Variants in DNAH17 observed in about 807,000 individuals in gnomAD.
DNAH17 encodes the protein dynein axonemal heavy chain 17.
In DNAH17, 376 loss-of-function variants were observed where a neutral mutation model predicts 485.6. The ratio of observed to expected loss-of-function variants is 0.77; its 90% confidence interval spans 0.71 to 0.84. DNAH17 has a LOEUF of 0.84. DNAH17 is among the 40% of genes least tolerant of loss of function. DNAH17 has a pLI of 0.00. For synonymous variants in DNAH17, 3,031 were observed against 2,405.9 expected (o/e 1.26, Z -7.60); for missense variants, 6,370 against 5,839.3 (o/e 1.09, Z -2.96).
chr17:78,468,440 GAA>G (rs1216314630), intron 55 of DNAH17, among the ~76,000 whole-genome samples, 175 bp downstream of exon 55: 2 of 152,092 alleles, frequency 1.3e-5, no homozygotes, highest in African/African-American at 4.8e-5. Context: ...CGACCCACGT[GAA>G]AAAGTCTCCA....
intron 71 of DNAH17, among the ~76,000 whole-genome samples, chr17:78,442,247 AC>A (rs2087104908): frequency 6.6e-6 from 1 of 152,108 alleles, no homozygotes. Flanking sequence ...CACTCATGCC[AC>A]CCAGCACACC....
chr17:78,495,138 C>T (rs761599507), intron 38 of DNAH17, 41 bp from the exon 39 acceptor site: 1 of 1,546,402 alleles, frequency 6.5e-7, no homozygotes, highest in South Asian at 1.2e-5. Flanking sequence ...TGCCCACTCC[C>T]TCCCCAACCT....
At chr17:78,558,283 T>C (rs753968937) in intron 13 of DNAH17, 29 bp from the exon 14 acceptor site, 13 of 1,609,994 alleles carry the variant, frequency 8.1e-6, no homozygotes, top group African/African-American at 1.3e-5. Context: ...TCAAAGAACA[T>C]GTCAGCAGGT....
At chr17:78,511,859 A>G (rs1230632287) in intron 26 of DNAH17, among the ~76,000 whole-genome samples, 1 of 152,198 alleles carries the variant, frequency 6.6e-6, no homozygotes, top group Non-Finnish European at 1.5e-5. Flanking sequence ...GGGCACCCGG[A>G]AGGGGCACAT....
intron 68 of DNAH17, 171 bp downstream of exon 68, chr17:78,450,083 T>C: frequency 1.4e-6 from 1 of 726,498 alleles, no homozygotes; most frequent in Non-Finnish European, 2.3e-6. Context: ...GTAGGACTGA[T>C]GGGGGCCCCT....
chr17:78,510,324 G>A, intron 27 of DNAH17, 60 bp downstream of exon 27: 4 of 1,590,280 alleles, frequency 2.5e-6, no homozygotes, highest in Non-Finnish European at 3.4e-6. Context: ...CTCAGTGGTT[G>A]GAGGGGGCAG....
In DNAH17 at chr17:78,560,817, A is replaced by G. The variant is rs888666779; in HGVS notation, c.1954T>C (p.Cys652Arg). 6.4e-7 allele frequency: 1 copy of G among 1,551,728 alleles called. No individual in the cohort carries two copies. Among genetic ancestry groups the G allele is most frequent in the African/African-American group, 1.4e-5 (1 of 73,040 alleles). ...AGCGGCTGCCCCAGGTTAAAGTGGC[A>G]GTCCTGGTCCACGCCCGCCACCCAC... is the stretch of plus-strand genomic sequence containing the variant. Reference protein sequence around the residue: ...QQWVAGVDQDCHFNLGQPLIL... With the variant: ...QQWVAGVDQDRHFNLGQPLIL... The change falls in exon 13 of 81, where the codon TGC (cysteine) becomes CGC (arginine). Residue 652 changes from cysteine to arginine, a missense_variant. Cys to Arg is a radical substitution (Grantham distance 180). Transcript: ENST00000389840.
At chr17:78,439,414 G>A (rs2086982020) in intron 72 of DNAH17, among the ~76,000 whole-genome samples, 197 bp from the exon 73 acceptor site, 1 of 152,076 alleles carries the variant, frequency 6.6e-6, no homozygotes, top group African/African-American at 2.4e-5. Context: ...TCACAATGCT[G>A]TGCAATCATC....
At chr17:78,478,088 TCACCACCACCATCATCATC>T (rs2089148720) in intron 51 of DNAH17, among the ~76,000 whole-genome samples, 1 of 52,710 alleles carries the variant, frequency 1.9e-5, no homozygotes, top group Admixed American at 2.3e-4. Context: ...ATCATCACCA[TCACCACCACCATCATCATC>T]ATCTCCACCA....
chr17:78,470,586 A>G (rs1198437534), intron 54 of DNAH17, among the ~76,000 whole-genome samples: 1 of 151,910 alleles, frequency 6.6e-6, no homozygotes, highest in Non-Finnish European at 1.5e-5. Flanking sequence ...GTACTTGGGA[A>G]GCTGAGGCAG....
chr17:78,435,202 C>T (rs2086816944), intron 74 of DNAH17, among the ~76,000 whole-genome samples: 1 of 152,170 alleles, frequency 6.6e-6, no homozygotes, highest in African/African-American at 2.4e-5. Flanking sequence ...GCCAGAGTGA[C>T]ACCAGCCAAT....
At chr17:78,542,408 A>G (rs899567606) in intron 17 of DNAH17, among the ~76,000 whole-genome samples, 6 of 152,146 alleles carry the variant, frequency 3.9e-5, no homozygotes, top group African/African-American at 1.4e-4. Flanking sequence ...TCGGCCTCCC[A>G]AAGTGCTGGG....
At chr17:78,472,972 T>C (rs2088834394) in intron 54 of DNAH17, among the ~76,000 whole-genome samples, 1 of 152,218 alleles carries the variant, frequency 6.6e-6, no homozygotes, top group Admixed American at 6.5e-5. Flanking sequence ...CCAGGGCTTT[T>C]CACACGGCAC....
chr17:78,468,242 T>G (rs1329224053), intron 55 of DNAH17, among the ~76,000 whole-genome samples: 1 of 152,120 alleles, frequency 6.6e-6, no homozygotes, highest in Non-Finnish European at 1.5e-5. Context: ...TATTAGGTAT[T>G]ATAAGTAATC....
chr17:78,489,213 C>G (rs1459527871), intron 44 of DNAH17, among the ~76,000 whole-genome samples: 2 of 152,194 alleles, frequency 1.3e-5, no homozygotes, highest in African/African-American at 4.8e-5. Flanking sequence ...GGTCTCACTT[C>G]CCACGCAGAG....
rs753590432 is a variant in DNAH17 at position 78,423,862 on chromosome 17, T to TGTGGTC, written c.*38_*43dup. ...CAGGTGCACAGGTGAAGGGCTGAGT[T>TGTGGTC]GTGGTCCAGCCCCAGGGAGTGTGGG... On this transcript the variant is annotated 3_prime_UTR_variant, in exon 81 of 81. Coordinates refer to ENST00000389840, the MANE Select transcript of DNAH17 (RefSeq NM_173628.4). 1 of 1,606,798 alleles carries TGTGGTC rather than the reference T, an allele frequency of 6.2e-7. No individual in the cohort carries two copies. Among genetic ancestry groups the TGTGGTC allele is most frequent in the South Asian group, 1.1e-5 (1 of 90,414 alleles).
At position 78,502,706 on chromosome 17, in the gene DNAH17, T is replaced by C; in HGVS notation, c.5083-8A>G. The C allele has an allele frequency of 6.2e-7, 1 of 1,610,306 alleles. No homozygotes were observed. Among genetic ancestry groups the C allele is most frequent in the Non-Finnish European group, 8.5e-7 (1 of 1,179,596 alleles). ...GGTGCAAGTCAGGGCCACCTGAAAG[T>C]ACATACCCCCCATTGCCCACGCAGT... On this transcript the variant is annotated splice_polypyrimidine_tract_variant and splice_region_variant and intron_variant, in intron 32 of 80. Transcript: ENST00000389840.
At chr17:78,484,095 C>CAAAAAAAAAAAAAAA (rs11290299) in intron 48 of DNAH17, among the ~76,000 whole-genome samples, 1 of 38,352 alleles carries the variant, frequency 2.6e-5, no homozygotes, top group East Asian at 1.1e-3. Flanking sequence ...GATTTCTCCT[C>CAAAAAAAAAAAAAAA]AAAAAAAAAA....
At chr17:78,447,087 C>T (rs1035353112) in intron 69 of DNAH17, among the ~76,000 whole-genome samples, 1 of 152,182 alleles carries the variant, frequency 6.6e-6, no homozygotes, top group African/African-American at 2.4e-5. Context: ...TACAGGTGTA[C>T]ATCACCTCAC....
Sources: gnomAD v4.1 joint callset for allele counts (sites outside exome capture counted in the v4.1 genomes callset) on GRCh38, gnomAD v4.1.1 for gene constraint, MANE v1.5 for transcripts, NCBI Gene and HGNC (gene_info 2026-07-23, HGNC 2026-07-21) for gene names.